PI4KA: variants seen among roughly 807,000 people sequenced by gnomAD.
PI4KA encodes the protein phosphatidylinositol 4-kinase alpha.
PI4KA carries 122 observed loss-of-function variants against 271.4 expected under a neutral mutation model. The ratio of observed to expected loss-of-function variants is 0.45; its 90% CI spans 0.39 to 0.52. The LOEUF is 0.52. Ranked by LOEUF, PI4KA falls within the 20% of genes least tolerant of loss-of-function variation. PI4KA has a pLI of 0.00. For missense variants in PI4KA, 1,969 were observed against 2,769.1 expected, an observed-to-expected ratio of 0.71 and a Z score of 6.48; for synonymous variants, 1,041 against 1,078.8, an observed-to-expected ratio of 0.96 and a Z score of 0.69.
intron 17 of PI4KA, among the ~76,000 whole-genome samples, chr22:20,797,062 C>T (rs148705273): frequency 1.4e-3 from 215 of 152,302 alleles, no homozygotes; most frequent in African/African-American, 4.5e-3. Flanking sequence ...CGTAGGATCA[C>T]GGGAAGAGTG....
intron 7 of PI4KA, among the ~76,000 whole-genome samples, chr22:20,815,810 AC>A (rs553582754): frequency 4.8e-4 from 73 of 152,320 alleles, no homozygotes; most frequent in African/African-American, 1.6e-3. Flanking sequence ...TCAGAAAGAC[AC>A]CATGAAATAT....
At chr22:20,845,569 T>C (rs1343094669) in intron 1 of PI4KA, among the ~76,000 whole-genome samples, 1 of 152,198 alleles carries the variant, frequency 6.6e-6, no homozygotes, top group Non-Finnish European at 1.5e-5. Context: ...AAATATTGAA[T>C]ATAAGCTGAT....
intron 19 of PI4KA, among the ~76,000 whole-genome samples, chr22:20,768,061 G>A (rs1932696146): frequency 6.6e-6 from 1 of 151,900 alleles, no homozygotes; most frequent in African/African-American, 2.4e-5. Context: ...CACACGCAAA[G>A]CTGCCACTTC....
At chr22:20,858,532 T>G in intron 1 of PI4KA, 38 bp downstream of exon 1, 2 of 1,320,426 alleles carry the variant, frequency 1.5e-6, no homozygotes, top group Middle Eastern at 5.2e-4. Context: ...CCCCAGCCCC[T>G]CCTCCTGTCA....
chr22:20,751,839 G>A (rs1930734034), intron 25 of PI4KA, 84 bp from the exon 26 acceptor site: 2 of 1,226,360 alleles, frequency 1.6e-6, no homozygotes, highest in Non-Finnish European at 2.4e-6. Flanking sequence ...CTGCCAGCCC[G>A]AGCCCATATC....
In PI4KA at chr22:20,818,658, T is replaced by A. The variant is rs114196341; in HGVS notation, c.790-109A>T. 1.2e-3 allele frequency: 854 copies of A among 728,184 alleles called. 5 individuals are homozygous for A. In the African/African-American group the frequency reaches 0.015, roughly 12 times the overall value. 45.1% of individuals were successfully genotyped at this position (728,184 alleles called of 1,614,324 possible). A position where few individuals can be genotyped will look rare whatever the true frequency, so the allele number is the denominator to read the frequency against. The stretch of plus-strand genomic sequence containing the variant: ...AGCCCAATGTTTGTACTTCAAGTTC[T>A]GGTTGAAGCCTCATTTCCTTCCTAA... On this transcript the variant is annotated intron_variant, in intron 6 of 54. Transcript: ENST00000255882.
At chr22:20,815,379 C>CAAAAAAAAAAAAAAAAAAAAAAAA (rs361826) in intron 7 of PI4KA, among the ~76,000 whole-genome samples, 5 of 83,938 alleles carry the variant, frequency 6.0e-5, no homozygotes, top group Admixed American at 1.3e-4. Flanking sequence ...GACTGCGTCT[C>CAAAAAAAAAAAAAAAAAAAAAAAA]AAAAAAAAAA....
chr22:20,840,247 G>A (rs560553828), intron 1 of PI4KA, among the ~76,000 whole-genome samples: 1 of 152,306 alleles, frequency 6.6e-6, no homozygotes, highest in African/African-American at 2.4e-5. Context: ...TCTCTAAGAT[G>A]GTTCCTTAAA....
chr22:20,739,137 A>G (rs541904536), intron 32 of PI4KA, among the ~76,000 whole-genome samples: 1 of 151,692 alleles, frequency 6.6e-6, no homozygotes, highest in African/African-American at 2.4e-5. Flanking sequence ...CAAGGTCAGG[A>G]GATCGAGACC....
At chr22:20,842,658 C>T (rs1925700166) in intron 1 of PI4KA, among the ~76,000 whole-genome samples, 1 of 151,424 alleles carries the variant, frequency 6.6e-6, no homozygotes, top group African/African-American at 2.4e-5. Flanking sequence ...ACTAAAAATA[C>T]AAAAATCAGC....
At position 20,729,957 on chromosome 22, in the gene PI4KA, G is replaced by C. The variant is rs1274215188; in HGVS notation, c.4343C>G (p.Ala1448Gly). The change falls in exon 37 of 55, where the codon GCC becomes GGC. Residue 1448 changes from alanine (A) to glycine (G), a missense_variant. Coordinates refer to ENST00000255882, the MANE Select transcript of PI4KA (RefSeq NM_058004.4). ...GTATGTGTTGATCCAGCCTTGGGTGGCTTGTTGCCGAGAGCCGACAGTTAT... is the reference window on the plus strand; with the variant it reads ...GTATGTGTTGATCCAGCCTTGGGTGCCTTGTTGCCGAGAGCCGACAGTTAT... ...LDITVGSRQQATQGWINTYPL... is the reference protein window; with the variant it reads ...LDITVGSRQQGTQGWINTYPL... 1.9e-6 allele frequency: 3 copies of C among 1,614,038 alleles called. No homozygotes were observed. Among genetic ancestry groups the C allele is most frequent in the African/African-American group, 2.7e-5 (2 of 74,926 alleles).
At chr22:20,839,981 A>G (rs1009814484) in intron 1 of PI4KA, among the ~76,000 whole-genome samples, 2 of 152,212 alleles carry the variant, frequency 1.3e-5, no homozygotes, top group Non-Finnish European at 2.9e-5. Flanking sequence ...ATGCTGATTA[A>G]TGAGTCAATC....
Position 20,834,546 on chromosome 22 carries a change from CATT to C in PI4KA, c.367+13_367+15del. On this transcript the variant is annotated intron_variant, in intron 3 of 54. Transcript: ENST00000255882. ...TATTTTCTCTTATATTCAGGGAAAA[CATT>C]ATATACAATTACCTCTGCCTTTCCG... 1 of 1,461,552 alleles carries C rather than the reference CATT, an allele frequency of 6.8e-7. No individual in the cohort carries two copies. Among genetic ancestry groups the C allele is most frequent in the Non-Finnish European group, 9.6e-7 (1 of 1,041,368 alleles). The allele number at this position is 1,461,552 out of a possible 1,614,324, so 90.5% of individuals were successfully genotyped here.
At chr22:20,824,450 A>G (rs779527758) in intron 3 of PI4KA, 36 bp from the exon 4 acceptor site, 13 of 1,459,408 alleles carry the variant, frequency 8.9e-6, no homozygotes, top group South Asian at 4.6e-5. Context: ...GATAACCAGG[A>G]ACCAGATACT....
At chr22:20,840,776 AAGGCCG>A (rs1050389522) in intron 1 of PI4KA, among the ~76,000 whole-genome samples, 1 of 151,890 alleles carries the variant, frequency 6.6e-6, no homozygotes, top group African/African-American at 2.4e-5. Flanking sequence ...AGCACTTTGG[AAGGCCG>A]AGGCAGGAGG....
chr22:20,850,937 T>A (rs533062909), intron 1 of PI4KA, among the ~76,000 whole-genome samples: 2 of 152,138 alleles, frequency 1.3e-5, no homozygotes, highest in East Asian at 3.9e-4. Context: ...CCCAACTACT[T>A]GGGAGGCTGA....
rs779356577 is a variant in PI4KA at position 20,747,610 on chromosome 22, G to A, written c.3336C>T (p.Gly1112=). Residue 1112 remains glycine (G), a synonymous_variant, in exon 29 of 55, where the codon GGC becomes GGT. Coordinates refer to ENST00000255882, the MANE Select transcript of PI4KA (RefSeq NM_058004.4). ...MATESILHFA[G]YNKQNTTLGA... ...CAAGAGTTGTGTTCTGCTTGTTGTA[G>A]CCAGCAAAGTGAAGGATGCTCTCAG... 1.5e-5 allele frequency: 25 copies of A among 1,614,096 alleles called. No homozygotes were observed. The highest frequency in any genetic ancestry group is 2.1e-5 in the Non-Finnish European group (25 of 1,179,998).
At chr22:20,721,200 G>A in intron 43 of PI4KA, 98 bp downstream of exon 43, 1 of 1,291,350 alleles carries the variant, frequency 7.7e-7, no homozygotes, top group Non-Finnish European at 1.1e-6. Context: ...CGGTGAGCTG[G>A]GGCAGTGCAG....
chr22:20,720,958 T>C (rs1411557575), intron 43 of PI4KA, among the ~76,000 whole-genome samples: 1 of 152,220 alleles, frequency 6.6e-6, no homozygotes, highest in African/African-American at 2.4e-5. Flanking sequence ...GGCTGTGCTA[T>C]TTGGGAACCG....
Sources: gnomAD v4.1 joint callset for allele counts (sites outside exome capture counted in the v4.1 genomes callset) on GRCh38, gnomAD v4.1.1 for gene constraint, MANE v1.5 for transcripts, NCBI Gene and HGNC (gene_info 2026-07-23, HGNC 2026-07-21) for gene names.